The following SLC8A3 variants were observed in gnomAD, a reference collection of about 807,000 sequenced individuals.
The protein encoded by SLC8A3 is sodium/calcium exchanger 3.
Under a neutral mutation model 65.4 loss-of-function variants are expected in SLC8A3, and 37 were observed. That is an observed-to-expected ratio of 0.57 (90% confidence interval 0.44 to 0.74). The LOEUF (loss-of-function observed/expected upper bound fraction) is 0.74, where lower values mean the gene tolerates loss of function less well. SLC8A3 is among the 30% of genes least tolerant of loss of function. SLC8A3 has a pLI of 0.00. For missense variants in SLC8A3, 1,112 were observed against 1,172.1 expected, an observed-to-expected ratio of 0.95 and a Z score of 0.75; for synonymous variants, 461 against 444.5, an observed-to-expected ratio of 1.04 and a Z score of -0.47.
chr14:70,154,556 G>C lies in SLC8A3; in HGVS notation c.1784+12083C>G, dbSNP rs879100805. Among the ~76,000 whole-genome samples, 126 of 152,218 alleles carry C rather than the reference G, an allele frequency of 8.3e-4. 1 individual carries two copies. The highest frequency in any genetic ancestry group is 2.9e-3 in the African/African-American group (119 of 41,508). ...CCTCTGCTAACCACTTGCCATGCTG[G>C]GTGCAAAATCTTTCAAAGCAAAAGG... On this transcript the variant is annotated intron_variant, in intron 2 of 6. Transcript: ENST00000356921.
chr14:70,060,476 G>T (rs1888661908), intron 3 of SLC8A3, among the ~76,000 whole-genome samples: 1 of 152,152 alleles, frequency 6.6e-6, no homozygotes, highest in Admixed American at 6.5e-5. Context: ...GTAGGGGTGG[G>T]GTGGGGGAGA....
intron 2 of SLC8A3, among the ~76,000 whole-genome samples, chr14:70,096,300 G>A (rs115396173): frequency 0.026 from 3,986 of 152,244 alleles, 174 homozygotes; most frequent in South Asian, 0.16. Flanking sequence ...GTTTGGATGG[G>A]CTACATTGTC....
At chr14:70,142,614 A>T (rs1362001475) in intron 2 of SLC8A3, among the ~76,000 whole-genome samples, 2 of 152,220 alleles carry the variant, frequency 1.3e-5, no homozygotes, top group Admixed American at 6.5e-5. Context: ...TCTCTTGGGG[A>T]TCACACTTAA....
At position 70,048,927 on chromosome 14, in the gene SLC8A3, T is replaced by C. The variant is rs761005201; in HGVS notation, c.2229A>G (p.Thr743=). Residue 743 remains threonine (T), a synonymous_variant, in exon 6 of 7, where the codon ACA becomes ACG. Transcript: ENST00000356921. ...AGCAGGCCCAGCCGTGGCAGTACTC[T>C]GTGGGGGGCACACAGGCAAACAGCA... The part of the protein sequence containing the change: ...WKVLFACVPP[T]EYCHGWACFA... 1 of 1,614,232 alleles carries C rather than the reference T, an allele frequency of 6.2e-7. No individual in the cohort carries two copies. The highest frequency in any genetic ancestry group is 1.7e-5 in the Admixed American group (1 of 60,036).
In SLC8A3 at chr14:70,133,429, G is replaced by T. The variant is rs528292753; in HGVS notation, c.1784+33210C>A. On this transcript the variant is annotated intron_variant, in intron 2 of 6. Transcript: ENST00000356921. ...CCAGAAAAAACTGCAAGAGGCCTAA[G>T]GACCCCTTCTGGCATAGGAAAATGC... Among the ~76,000 whole-genome samples the T allele has an allele frequency of 2.0e-5, 3 of 152,284 alleles. No homozygotes were observed. In the East Asian group the frequency reaches 5.8e-4, roughly 29 times the overall value.
chr14:70,136,071 A>T (rs1167890436), intron 2 of SLC8A3, among the ~76,000 whole-genome samples: 1 of 152,196 alleles, frequency 6.6e-6, no homozygotes, highest in Non-Finnish European at 1.5e-5. Flanking sequence ...TAAATAAATA[A>T]AAACTTCTGT....
At chr14:70,142,376 C>G (rs1348634254) in intron 2 of SLC8A3, among the ~76,000 whole-genome samples, 1 of 152,170 alleles carries the variant, frequency 6.6e-6, no homozygotes, top group Non-Finnish European at 1.5e-5. Context: ...AAATGAACCA[C>G]TATTGAAATA....
chr14:70,136,186 T>A (rs1895187762), intron 2 of SLC8A3, among the ~76,000 whole-genome samples: 1 of 152,140 alleles, frequency 6.6e-6, no homozygotes, highest in African/African-American at 2.4e-5. Flanking sequence ...AAGGCAGAGC[T>A]GGAGTCACCC....
intron 2 of SLC8A3, among the ~76,000 whole-genome samples, chr14:70,152,351 C>G (rs901802824): frequency 5.3e-5 from 8 of 152,124 alleles, no homozygotes; most frequent in Admixed American, 5.2e-4. Context: ...AAATCTTAAC[C>G]AGAGAAATTG....
At chr14:70,136,067 A>C (rs1895179156) in intron 2 of SLC8A3, among the ~76,000 whole-genome samples, 1 of 152,214 alleles carries the variant, frequency 6.6e-6, no homozygotes, top group African/African-American at 2.4e-5. Flanking sequence ...TAAATAAATA[A>C]ATAAAAACTT....
At chr14:70,079,027 T>C (rs1890792298) in intron 2 of SLC8A3, among the ~76,000 whole-genome samples, 1 of 152,186 alleles carries the variant, frequency 6.6e-6, no homozygotes, top group African/African-American at 2.4e-5. Context: ...GTTATGTACT[T>C]ATAGTACATG....
Position 70,046,103 on chromosome 14 carries a change from G to C in SLC8A3, c.2610C>G (p.Ile870Met). ...GCCGCCTTCGGTACAAGAGCACGCTGATGCAGACAAATGCAAAGATGGTGA... is the reference window on the plus strand; with the variant it reads ...GCCGCCTTCGGTACAAGAGCACGCTCATGCAGACAAATGCAAAGATGGTGA... Reference protein sequence around the residue: ...TLFTIFAFVCISVLLYRRRPH... With the variant: ...TLFTIFAFVCMSVLLYRRRPH... Residue 870 changes from isoleucine (I) to methionine (M), a missense_variant, in exon 7 of 7, where the codon ATC becomes ATG. Coordinates refer to ENST00000356921, the MANE Select transcript of SLC8A3 (RefSeq NM_182932.3). The surrounding 1 kb of genome is among the most constrained non-coding windows in gnomAD (Gnocchi z 4.2). The C allele has an allele frequency of 6.2e-7, 1 of 1,614,188 alleles. No individual in the cohort carries two copies. The highest frequency in any genetic ancestry group is 8.5e-7 in the Non-Finnish European group (1 of 1,180,018).
At chr14:70,153,866 G>A (rs1896422037) in intron 2 of SLC8A3, among the ~76,000 whole-genome samples, 1 of 152,166 alleles carries the variant, frequency 6.6e-6, no homozygotes, top group Non-Finnish European at 1.5e-5. Flanking sequence ...GGCATCAAAG[G>A]AGGTCCCCTG....
At chr14:70,152,736 T>C (rs532647376) in intron 2 of SLC8A3, among the ~76,000 whole-genome samples, 1 of 152,330 alleles carries the variant, frequency 6.6e-6, no homozygotes, top group East Asian at 1.9e-4. Context: ...AGGACTCATT[T>C]CAGAGGCATT....
intron 2 of SLC8A3, among the ~76,000 whole-genome samples, chr14:70,078,595 T>G (rs532456793): frequency 6.6e-6 from 1 of 152,214 alleles, no homozygotes; most frequent in Non-Finnish European, 1.5e-5. Context: ...TTCCCACTGA[T>G]GGCTGGCTGA....
intron 2 of SLC8A3, among the ~76,000 whole-genome samples, chr14:70,163,502 G>C (rs1896996985): frequency 6.6e-6 from 1 of 152,142 alleles, no homozygotes; most frequent in Admixed American, 6.5e-5. Flanking sequence ...AGGCTTGGTA[G>C]GCAAATAAAG....
In SLC8A3 at chr14:70,064,417, T is replaced by C. The variant is rs372713805; in HGVS notation, c.1785-3478A>G. Among the ~76,000 whole-genome samples the C allele has an allele frequency of 1.5e-4, 23 of 152,264 alleles. No homozygotes were observed. The East Asian group carries it at 2.7e-3, about 18-fold the overall frequency. ...AATCAGCTGACGTTGATCCAAATGGTTTATTTCATGAAAGCAGAAAGGGAC... is the reference window on the plus strand; with the variant it reads ...AATCAGCTGACGTTGATCCAAATGGCTTATTTCATGAAAGCAGAAAGGGAC... On this transcript the variant is annotated intron_variant, in intron 2 of 6. Coordinates refer to ENST00000356921, the MANE Select transcript of SLC8A3 (RefSeq NM_182932.3).
At chr14:70,184,752 G>C (rs1883044544) in intron 1 of SLC8A3, among the ~76,000 whole-genome samples, 1 of 152,164 alleles carries the variant, frequency 6.6e-6, no homozygotes, top group African/African-American at 2.4e-5. Flanking sequence ...GAGGAAAGAG[G>C]CCATTCTATT....
At chr14:70,171,416 T>C (rs1176758040) in intron 1 of SLC8A3, among the ~76,000 whole-genome samples, 3 of 152,226 alleles carry the variant, frequency 2.0e-5, no homozygotes, top group Admixed American at 6.5e-5. Context: ...CAGGTTTTTC[T>C]GGGCAATGTG....
Sources: gnomAD v4.1 joint callset for allele counts (sites outside exome capture counted in the v4.1 genomes callset) on GRCh38, gnomAD v4.1.1 for gene constraint, Gnocchi (gnomAD v3.1) non-coding constraint, MANE v1.5 for transcripts, NCBI Gene and HGNC (gene_info 2026-07-23, HGNC 2026-07-21) for gene names.